The following UNC5C variants were observed in gnomAD, a reference collection of about 807,000 sequenced individuals.
UNC5C encodes the protein unc-5 netrin receptor C.
UNC5C carries 47 observed loss-of-function variants against 99.8 expected under a neutral mutation model. That is an observed-to-expected ratio of 0.47 (90% CI 0.37 to 0.60). The LOEUF is 0.60. Ranked by LOEUF, UNC5C falls within the 20% of genes least tolerant of loss-of-function variation. The pLI, the probability that UNC5C is intolerant of heterozygous loss-of-function variation, is 0.00. For missense variants in UNC5C, 1,062 were observed against 1,165.9 expected, an observed-to-expected ratio of 0.91 and a Z score of 1.30; for synonymous variants, 487 against 452.2, an observed-to-expected ratio of 1.08 and a Z score of -0.98.
intron 1 of UNC5C, among the ~76,000 whole-genome samples, chr4:95,460,588 G>C (rs1324561747): frequency 6.6e-6 from 1 of 152,136 alleles, no homozygotes; most frequent in Non-Finnish European, 1.5e-5. Context: ...TCTCTTGCCT[G>C]CCACCATGTA....
rs961606544 is a variant in UNC5C at position 95,178,991 on chromosome 4, G to A, written c.2451+3906C>T. Among the ~76,000 whole-genome samples the A allele has an allele frequency of 3.9e-5, 6 of 152,098 alleles. 1 individual carries two copies. The highest frequency in any genetic ancestry group is 2.6e-4 in the Admixed American group (4 of 15,268). On this transcript the variant is annotated intron_variant, in intron 14 of 15. Transcript: ENST00000453304. The stretch of plus-strand genomic sequence containing the variant: ...CATCTAGTAATTTTAGTTGCTATTA[G>A]TTCTTCCTTTACTTCCAGGTAAAAG...
At chr4:95,380,163 C>T (rs1476042230) in intron 1 of UNC5C, among the ~76,000 whole-genome samples, 2 of 152,070 alleles carry the variant, frequency 1.3e-5, no homozygotes, top group East Asian at 3.9e-4. Flanking sequence ...CATATTTTGT[C>T]CCATTTTCTC....
intron 2 of UNC5C, among the ~76,000 whole-genome samples, chr4:95,320,226 A>T (rs1248264355): frequency 6.6e-6 from 1 of 152,110 alleles, no homozygotes; most frequent in Non-Finnish European, 1.5e-5. Context: ...GTTCGAGACC[A>T]GCCTGGCCAA....
At chr4:95,403,430 T>C (rs912982536) in intron 1 of UNC5C, among the ~76,000 whole-genome samples, 8 of 152,164 alleles carry the variant, frequency 5.3e-5, no homozygotes, top group Non-Finnish European at 1.0e-4. Context: ...AGGCTTTTCA[T>C]TTGATAGACA....
At position 95,168,348 on chromosome 4, in the gene UNC5C, A is replaced by C. The variant is rs1735938725; in HGVS notation, c.*886T>G. Reference sequence around the variant, plus strand: ...GTGAAAAGGTGGGACAGGTCTAGTCAATAACCAAATACTAACAAACAGCAC... The same window carrying C: ...GTGAAAAGGTGGGACAGGTCTAGTCCATAACCAAATACTAACAAACAGCAC... On this transcript the variant is annotated 3_prime_UTR_variant, in exon 16 of 16. Coordinates refer to ENST00000453304, the MANE Select transcript of UNC5C (RefSeq NM_003728.4). The C allele has an allele frequency of 1.3e-5, 2 of 152,236 alleles. No homozygotes were observed. Among genetic ancestry groups the C allele is most frequent in the Admixed American group, 1.3e-4 (2 of 15,286 alleles). 9.4% of individuals were successfully genotyped at this position (152,236 alleles called of 1,614,324 possible).
At chr4:95,307,792 C>T (rs1742114589) in intron 2 of UNC5C, among the ~76,000 whole-genome samples, 1 of 152,056 alleles carries the variant, frequency 6.6e-6, no homozygotes, top group South Asian at 2.1e-4. Context: ...GGGATATATC[C>T]CTGGGATGCA....
chr4:95,477,774 T>G (rs766956723), intron 1 of UNC5C, among the ~76,000 whole-genome samples: 6 of 152,016 alleles, frequency 3.9e-5, no homozygotes, highest in African/African-American at 1.4e-4. Context: ...TAGACACAGA[T>G]GCCTTTAGTT....
At chr4:95,309,145 G>T (rs546351538) in intron 2 of UNC5C, among the ~76,000 whole-genome samples, 47 of 152,230 alleles carry the variant, frequency 3.1e-4, no homozygotes, top group African/African-American at 1.1e-3. Context: ...ATGGTCAATT[G>T]ATTTTTGACA....
chr4:95,379,352 A>G (rs1744992984), intron 1 of UNC5C, among the ~76,000 whole-genome samples: 1 of 152,212 alleles, frequency 6.6e-6, no homozygotes. Context: ...ATGCCATACA[A>G]TGACTATCAT....
intron 1 of UNC5C, among the ~76,000 whole-genome samples, chr4:95,507,259 A>G (rs1721948562): frequency 2.6e-5 from 4 of 152,036 alleles, no homozygotes; most frequent in Admixed American, 2.0e-4. Flanking sequence ...GTGTTTATCT[A>G]TTTAAACTGA....
At chr4:95,507,354 T>C (rs1721951450) in intron 1 of UNC5C, among the ~76,000 whole-genome samples, 1 of 152,022 alleles carries the variant, frequency 6.6e-6, no homozygotes, top group Admixed American at 6.6e-5. Context: ...CTCACTGAAT[T>C]CTTTTTAACA....
chr4:95,361,603 A>C (rs977338216), intron 1 of UNC5C, among the ~76,000 whole-genome samples: 1 of 152,152 alleles, frequency 6.6e-6, no homozygotes, highest in Non-Finnish European at 1.5e-5. Context: ...CTTCAGGCCA[A>C]AGTGCCACTT....
chr4:95,506,690 T>C (rs1479515763), intron 1 of UNC5C, among the ~76,000 whole-genome samples: 1 of 151,898 alleles, frequency 6.6e-6, no homozygotes. Flanking sequence ...GTAACAACCT[T>C]AGCAATCTGG....
Position 95,182,881 on chromosome 4 carries a change from G to C in UNC5C, c.2451+16C>G. On this transcript the variant is annotated intron_variant, in intron 14 of 15. Transcript: ENST00000453304. ...TCGCACTCTCCCCTGATTTCAGACA[G>C]ACAGGAGCCACTTACCTCTGACACG... 1 of 1,603,442 alleles carries C rather than the reference G, an allele frequency of 6.2e-7. No individual in the cohort carries two copies. Among genetic ancestry groups the C allele is most frequent in the Non-Finnish European group, 8.5e-7 (1 of 1,171,638 alleles).
At chr4:95,510,171 A>G (rs755744690) in intron 1 of UNC5C, among the ~76,000 whole-genome samples, 5 of 152,072 alleles carry the variant, frequency 3.3e-5, no homozygotes, top group African/African-American at 4.8e-5. Flanking sequence ...ATGTTTCACC[A>G]TAAAATTTTA....
At chr4:95,320,557 G>A (rs1742651793) in intron 2 of UNC5C, among the ~76,000 whole-genome samples, 1 of 152,098 alleles carries the variant, frequency 6.6e-6, no homozygotes, top group Non-Finnish European at 1.5e-5. Context: ...TCACTTTGAA[G>A]TGGTCATATT....
chr4:95,264,245 G>A (rs1430503187), intron 4 of UNC5C, among the ~76,000 whole-genome samples: 3 of 152,086 alleles, frequency 2.0e-5, no homozygotes, highest in Non-Finnish European at 4.4e-5. Flanking sequence ...TTAGCAACTA[G>A]GAAAAAGGAG....
chr4:95,519,390 C>T (rs1216760539), intron 1 of UNC5C, among the ~76,000 whole-genome samples: 1 of 152,062 alleles, frequency 6.6e-6, no homozygotes, highest in Non-Finnish European at 1.5e-5. Context: ...AAATGATGTT[C>T]CCCCTTAAGA....
intron 7 of UNC5C, chr4:95,222,166 T>A (rs1310539908): frequency 1.4e-6 from 2 of 1,407,282 alleles, no homozygotes. Context: ...GGCAATAACG[T>A]TAAATGATTA....
Sources: gnomAD v4.1 joint callset for allele counts (sites outside exome capture counted in the v4.1 genomes callset) on GRCh38, gnomAD v4.1.1 for gene constraint, MANE v1.5 for transcripts, NCBI Gene and HGNC (gene_info 2026-07-23, HGNC 2026-07-21) for gene names.